The following COP1 variants were observed in gnomAD, a reference collection of about 807,000 sequenced individuals.
The protein encoded by COP1 is E3 ubiquitin-protein ligase COP1.
In COP1, 24 loss-of-function variants were observed where a neutral mutation model predicts 101.3. The observed-to-expected ratio is 0.24, with a 90% CI of 0.17 to 0.33. The LOEUF (loss-of-function observed/expected upper bound fraction) is 0.33. COP1 is among the 10% of genes least tolerant of loss of function. The pLI is 1.00. For missense variants in COP1, 663 were observed against 906.2 expected (o/e 0.73, Z 3.45); for synonymous variants, 347 against 341.9 (o/e 1.01, Z -0.17).
At chr1:176,031,447 G>GT (rs1283785222) in intron 14 of COP1, among the ~76,000 whole-genome samples, 1 of 152,092 alleles carries the variant, frequency 6.6e-6, no homozygotes, top group Non-Finnish European at 1.5e-5. Flanking sequence ...AAGGATGGTA[G>GT]TAAGAATTTC....
intron 9 of COP1, among the ~76,000 whole-genome samples, chr1:176,091,746 A>G (rs1681368506): frequency 6.6e-6 from 1 of 152,170 alleles, no homozygotes; most frequent in Non-Finnish European, 1.5e-5. Flanking sequence ...AACGTAAGAA[A>G]AAAAATCAAA....
At chr1:176,206,268 A>C in intron 1 of COP1, 1 of 384,770 alleles carries the variant, frequency 2.6e-6, no homozygotes, top group African/African-American at 2.1e-5. Context: ...TTGTTATCCA[A>C]AACCATTTAT....
chr1:176,150,588 T>A (rs369412609), intron 5 of COP1, among the ~76,000 whole-genome samples: 2 of 152,208 alleles, frequency 1.3e-5, no homozygotes, highest in African/African-American at 4.8e-5. Context: ...ATTATTTGTC[T>A]AGAGGACAAA....
At chr1:176,069,364 G>A (rs768342702) in intron 11 of COP1, among the ~76,000 whole-genome samples, 2 of 152,190 alleles carry the variant, frequency 1.3e-5, no homozygotes, top group Non-Finnish European at 2.9e-5. Context: ...CATTTCAAAT[G>A]TGTCCAGGAA....
intron 5 of COP1, 120 bp from the exon 6 acceptor site, chr1:176,149,194 T>C: frequency 2.1e-6 from 1 of 477,466 alleles, no homozygotes; most frequent in Non-Finnish European, 3.7e-6. Context: ...TCGTCTATTA[T>C]TTCTATTTAA....
chr1:175,993,833 C>G (rs1659352931), intron 15 of COP1, among the ~76,000 whole-genome samples: 1 of 152,210 alleles, frequency 6.6e-6, no homozygotes, highest in African/African-American at 2.4e-5. Flanking sequence ...GGATATTATC[C>G]AGGAGAACTT....
At chr1:176,171,373 T>G (rs1696034987) in intron 3 of COP1, among the ~76,000 whole-genome samples, 1 of 152,204 alleles carries the variant, frequency 6.6e-6, no homozygotes, top group Non-Finnish European at 1.5e-5. Context: ...TCTCTGAGCC[T>G]TCACAGAATT....
chr1:176,129,339 T>C (rs1407233854), intron 8 of COP1, among the ~76,000 whole-genome samples: 1 of 151,822 alleles, frequency 6.6e-6, no homozygotes. Context: ...AAGTGTCATA[T>C]AAAAGTCTTA....
At chr1:176,053,883 C>T (rs191498255) in intron 11 of COP1, among the ~76,000 whole-genome samples, 1 of 152,214 alleles carries the variant, frequency 6.6e-6, no homozygotes, top group African/African-American at 2.4e-5. Flanking sequence ...TGTACTTTAC[C>T]TCCCTGGCAA....
intron 9 of COP1, among the ~76,000 whole-genome samples, chr1:176,096,530 CT>C (rs1009267287): frequency 6.6e-6 from 1 of 152,260 alleles, no homozygotes; most frequent in Non-Finnish European, 1.5e-5. Flanking sequence ...GCATGGTTGA[CT>C]GGCCAGACTA....
intron 1 of COP1, among the ~76,000 whole-genome samples, chr1:176,191,469 T>C (rs544786728): frequency 6.6e-6 from 1 of 152,154 alleles, no homozygotes; most frequent in South Asian, 2.1e-4. Flanking sequence ...ACTTGAAATT[T>C]CTCTAGCTTC....
chr1:176,048,195 CTTTTTT>C (rs10680105), intron 11 of COP1, among the ~76,000 whole-genome samples: 1 of 126,622 alleles, frequency 7.9e-6, no homozygotes, highest in Non-Finnish European at 1.6e-5. Flanking sequence ...AATTAAAATT[CTTTTTT>C]TTTTTTTTTT....
intron 11 of COP1, among the ~76,000 whole-genome samples, chr1:176,051,210 C>T (rs939881108): frequency 3.3e-5 from 5 of 152,124 alleles, no homozygotes; most frequent in Non-Finnish European, 4.4e-5. Context: ...AAGAATGAAC[C>T]GTGAATATTT....
intron 2 of COP1, 77 bp downstream of exon 2, chr1:176,184,556 G>T (rs761663359): frequency 1.1e-4 from 133 of 1,219,470 alleles, no homozygotes; most frequent in Non-Finnish European, 1.5e-4. Context: ...TTTAAAACAC[G>T]TAACTTCTCA....
chr1:176,115,280 T>C (rs1685989712), intron 9 of COP1, among the ~76,000 whole-genome samples: 1 of 151,608 alleles, frequency 6.6e-6, no homozygotes, highest in African/African-American at 2.4e-5. Context: ...GAAACCCCCA[T>C]CTCTACTAAA....
chr1:175,959,225 T>C (rs1447036660), intron 18 of COP1, among the ~76,000 whole-genome samples: 1 of 151,860 alleles, frequency 6.6e-6, no homozygotes, highest in Non-Finnish European at 1.5e-5. Context: ...TCATGTTAAA[T>C]AGGTACAAAA....
intron 14 of COP1, among the ~76,000 whole-genome samples, chr1:176,041,684 G>C (rs1447777391): frequency 6.6e-6 from 1 of 152,152 alleles, no homozygotes; most frequent in Admixed American, 6.5e-5. Flanking sequence ...ATAAACAGTA[G>C]GCCGGGCATG....
At chr1:175,994,373 G>A (rs1041254474) in intron 15 of COP1, among the ~76,000 whole-genome samples, 5 of 152,138 alleles carry the variant, frequency 3.3e-5, no homozygotes, top group African/African-American at 9.7e-5. Context: ...CATAATGACA[G>A]GATCAAATTC....
At chr1:176,135,474 A>G (rs563423595) in intron 7 of COP1, among the ~76,000 whole-genome samples, 1 of 152,248 alleles carries the variant, frequency 6.6e-6, no homozygotes, top group East Asian at 1.9e-4. Context: ...TAAGATAAAT[A>G]TGACAGTAAG....
Sources: allele counts gnomAD v4.1 joint callset (sites outside exome capture counted in the v4.1 genomes callset), GRCh38; gene constraint gnomAD v4.1.1; transcripts MANE v1.5; gene names NCBI Gene and HGNC (gene_info 2026-07-23, HGNC 2026-07-21).